Variants in SLC4A10 observed in about 807,000 individuals in gnomAD.
SLC4A10 encodes the protein sodium-driven chloride bicarbonate exchanger.
A neutral mutation model predicts 137.7 loss-of-function variants in SLC4A10; 42 were observed. The observed-to-expected ratio is 0.30, with a 90% confidence interval of 0.24 to 0.39. The LOEUF (loss-of-function observed/expected upper bound fraction) is 0.39. SLC4A10 is among the 10% of genes least tolerant of loss of function. The pLI, the probability that SLC4A10 is intolerant of heterozygous loss-of-function variation, is 1.00. For missense variants in SLC4A10, 925 were observed against 1,355.0 expected, an observed-to-expected ratio of 0.68 and a Z score of 4.98; for synonymous variants, 474 against 464.1, an observed-to-expected ratio of 1.02 and a Z score of -0.27.
At chr2:161,952,516 T>C (rs1227887251) in intron 19 of SLC4A10, among the ~76,000 whole-genome samples, 1 of 152,238 alleles carries the variant, frequency 6.6e-6, no homozygotes, top group African/African-American at 2.4e-5. Flanking sequence ...CATTACTAAA[T>C]CTGTTTTATT....
chr2:161,722,046 G>A (rs895673657), intron 1 of SLC4A10, among the ~76,000 whole-genome samples: 43 of 152,218 alleles, frequency 2.8e-4, no homozygotes, highest in African/African-American at 8.9e-4. Flanking sequence ...GGTCATTTAC[G>A]TTCCTCTCTA....
At chr2:161,918,641 A>G (rs1437713050) in intron 15 of SLC4A10, among the ~76,000 whole-genome samples, 1 of 152,192 alleles carries the variant, frequency 6.6e-6, no homozygotes, top group Non-Finnish European at 1.5e-5. Context: ...AGGGCAAAAT[A>G]CCTTGGCTGG....
rs371689306 is a variant in SLC4A10, at chr2:161,900,837, ACT to A, written c.1342-73_1342-72del. 17 of 1,052,130 alleles carry A rather than the reference ACT, an allele frequency of 1.6e-5. No individual in the cohort carries two copies. The East Asian group carries it at 4.5e-4, about 28-fold the overall frequency. 65.2% of individuals were successfully genotyped at this position (1,052,130 alleles called of 1,614,324 possible). A position where few individuals can be genotyped will look rare whatever the true frequency, so the allele number is the denominator to read the frequency against. On this transcript the variant is annotated intron_variant, in intron 11 of 26. Transcript: ENST00000446997. ...TGCATATTGCTTCAAGGAAAAATGA[ACT>A]GTTATTATTATTTACAATTAACACC... is the stretch of plus-strand genomic sequence containing the variant.
chr2:161,943,826 G>T (rs1693200769), intron 16 of SLC4A10, among the ~76,000 whole-genome samples: 1 of 151,862 alleles, frequency 6.6e-6, no homozygotes, highest in African/African-American at 2.4e-5. Flanking sequence ...AAGTTGTCTA[G>T]TTAGTGAGCA....
intron 1 of SLC4A10, among the ~76,000 whole-genome samples, chr2:161,654,230 A>G (rs1171210943): frequency 6.6e-6 from 1 of 152,164 alleles, no homozygotes; most frequent in Non-Finnish European, 1.5e-5. Flanking sequence ...TTGGGTTATT[A>G]GAGTTTTGCT....
At chr2:161,755,405 T>TG (rs2049503274) in intron 1 of SLC4A10, among the ~76,000 whole-genome samples, 1 of 152,224 alleles carries the variant, frequency 6.6e-6, no homozygotes, top group Admixed American at 6.5e-5. Flanking sequence ...TGTGACTAGC[T>TG]GAGATTTTTG....
chr2:161,863,872 G>T (rs2060577964), intron 6 of SLC4A10, among the ~76,000 whole-genome samples: 1 of 152,148 alleles, frequency 6.6e-6, no homozygotes, highest in South Asian at 2.1e-4. Context: ...CCATGAAGAT[G>T]ATATGAATTT....
intron 1 of SLC4A10, among the ~76,000 whole-genome samples, chr2:161,637,111 G>A (rs551099471): frequency 8.2e-6 from 1 of 122,576 alleles, no homozygotes; most frequent in African/African-American, 2.9e-5. Flanking sequence ...ACGTATTTAT[G>A]TATATATATC....
chr2:161,830,596 A>G (rs577680971), intron 3 of SLC4A10, among the ~76,000 whole-genome samples: 14 of 152,202 alleles, frequency 9.2e-5, no homozygotes, highest in East Asian at 5.8e-4. Context: ...GATGAGATAT[A>G]TTTTATTACC....
At chr2:161,713,184 G>T (rs2044477514) in intron 1 of SLC4A10, among the ~76,000 whole-genome samples, 1 of 151,754 alleles carries the variant, frequency 6.6e-6, no homozygotes, top group Non-Finnish European at 1.5e-5. Flanking sequence ...CCACAGGAAA[G>T]GTTTGTTGGG....
chr2:161,636,148 T>G (rs947026955), intron 1 of SLC4A10, among the ~76,000 whole-genome samples: 7 of 152,182 alleles, frequency 4.6e-5, no homozygotes, highest in Non-Finnish European at 7.4e-5. Flanking sequence ...TTTATTTTGG[T>G]GCAAATTTTT....
At chr2:161,818,297 A>T (rs2057301071) in intron 3 of SLC4A10, among the ~76,000 whole-genome samples, 2 of 152,190 alleles carry the variant, frequency 1.3e-5, no homozygotes, top group African/African-American at 4.8e-5. Context: ...TTATTGGTGT[A>T]TAAGAATGCT....
At chr2:161,876,942 A>G (rs1325717732) in intron 8 of SLC4A10, among the ~76,000 whole-genome samples, 1 of 152,062 alleles carries the variant, frequency 6.6e-6, no homozygotes, top group Non-Finnish European at 1.5e-5. Flanking sequence ...AACTTATTCC[A>G]TTTGAAGTCA....
chr2:161,913,038 A>G (rs970473993), intron 15 of SLC4A10, among the ~76,000 whole-genome samples: 4 of 152,196 alleles, frequency 2.6e-5, no homozygotes, highest in African/African-American at 9.6e-5. Context: ...TATCAAAAAC[A>G]GGAGAGCTGG....
At chr2:161,823,996 C>A (rs1050995697) in intron 3 of SLC4A10, among the ~76,000 whole-genome samples, 6 of 152,164 alleles carry the variant, frequency 3.9e-5, no homozygotes, top group Non-Finnish European at 5.9e-5. Flanking sequence ...TACTAAAAGG[C>A]CTGGACAATG....
At chr2:161,763,432 A>G (rs1045493544) in intron 1 of SLC4A10, among the ~76,000 whole-genome samples, 3 of 152,142 alleles carry the variant, frequency 2.0e-5, no homozygotes, top group African/African-American at 7.2e-5. Flanking sequence ...AGGTGTGGGC[A>G]TATAAGAAAT....
intron 1 of SLC4A10, chr2:161,708,957 C>A: frequency 8.9e-7 from 1 of 1,124,542 alleles, no homozygotes; most frequent in Non-Finnish European, 1.2e-6. Context: ...GATATTTGAA[C>A]AAGTAAGATT....
intron 1 of SLC4A10, among the ~76,000 whole-genome samples, chr2:161,727,161 T>C (rs2046322302): frequency 6.6e-6 from 1 of 152,206 alleles, no homozygotes; most frequent in Admixed American, 6.5e-5. Context: ...GTGAGAAAGC[T>C]GCAATATCAA....
chr2:161,688,246 T>A (rs907961453), intron 1 of SLC4A10, among the ~76,000 whole-genome samples: 1 of 152,204 alleles, frequency 6.6e-6, no homozygotes, highest in Non-Finnish European at 1.5e-5. Flanking sequence ...AAAAATCATC[T>A]GTTTTAGAAA....
Sources: gnomAD v4.1 joint callset for allele counts (sites outside exome capture counted in the v4.1 genomes callset) on GRCh38, gnomAD v4.1.1 for gene constraint, MANE v1.5 for transcripts, NCBI Gene and HGNC (gene_info 2026-07-23, HGNC 2026-07-21) for gene names.